SH3RF2: variants seen among roughly 807,000 people sequenced by gnomAD.
SH3RF2 encodes the protein E3 ubiquitin-protein ligase SH3RF2.
SH3RF2 carries 43 observed loss-of-function variants against 59.0 expected under a neutral mutation model. That is an observed-to-expected ratio of 0.73 (90% CI 0.57 to 0.94). The LOEUF is 0.94. Among genes scored for constraint, SH3RF2 ranks in the 40% least tolerant of loss-of-function variants. SH3RF2 has a pLI of 0.00. For missense variants in SH3RF2, 930 were observed against 940.1 expected, an observed-to-expected ratio of 0.99 and a Z score of 0.14; for synonymous variants, 391 against 391.5, an observed-to-expected ratio of 1.00 and a Z score of 0.01.
At chr5:146,059,779 G>C in intron 8 of SH3RF2, 87 bp from the exon 9 acceptor site, 1 of 906,202 alleles carries the variant, frequency 1.1e-6, no homozygotes, top group South Asian at 2.8e-5. Context: ...TCTATTCTGG[G>C]ATATCAGGAA....
In SH3RF2 at chr5:145,984,174, G is replaced by A. The variant is rs530806467; in HGVS notation, c.379-15884G>A. On this transcript the variant is annotated intron_variant, in intron 2 of 9. Transcript: ENST00000359120. ...ATGTCTCATTTATTGTAGGCACTCA[G>A]TACTTTTTTGTTGAATGAATGAGTA... is the stretch of plus-strand genomic sequence containing the variant. 2.0e-5 allele frequency among the ~76,000 whole-genome samples: 3 copies of A among 152,220 alleles called. No homozygotes were observed. In the East Asian group the frequency reaches 5.8e-4, roughly 29 times the overall value.
At chr5:146,005,841 C>A (rs200644160) in intron 4 of SH3RF2, among the ~76,000 whole-genome samples, 16 of 119,090 alleles carry the variant, frequency 1.3e-4, no homozygotes, top group African/African-American at 4.7e-4. Context: ...TAACACAGAA[C>A]AAGCACTCTG....
chr5:145,960,506 A>G lies in SH3RF2; in HGVS notation c.378+22200A>G, dbSNP rs550147771. Among the ~76,000 whole-genome samples the G allele has an allele frequency of 2.0e-5, 3 of 152,326 alleles. No individual in the cohort carries two copies. The South Asian group carries it at 6.2e-4, about 32-fold the overall frequency. ...CTTAAATGATCCAGAAGCTTTCCAAAAAAGGCCTGATTCTAACTCCTAAGA... is the reference window on the plus strand; with the variant it reads ...CTTAAATGATCCAGAAGCTTTCCAAGAAAGGCCTGATTCTAACTCCTAAGA... On this transcript the variant is annotated intron_variant, in intron 2 of 9. Transcript: ENST00000359120.
At chr5:146,018,550 A>T (rs1388720419) in intron 5 of SH3RF2, among the ~76,000 whole-genome samples, 1 of 151,988 alleles carries the variant, frequency 6.6e-6, no homozygotes, top group African/African-American at 2.4e-5. Context: ...TTATCCATTC[A>T]ACAGTTGATT....
At chr5:146,065,444 C>T (rs1259894591), downstream of SH3RF2, among the ~76,000 whole-genome samples, 3 of 152,148 alleles carry the variant, frequency 2.0e-5, no homozygotes, top group South Asian at 2.1e-4. Context: ...CATGACTGGC[C>T]GACCAAATAT....
intron 5 of SH3RF2, among the ~76,000 whole-genome samples, chr5:146,035,096 ACT>A (rs1761883338): frequency 7.3e-6 from 1 of 137,390 alleles, no homozygotes; most frequent in South Asian, 2.3e-4. Context: ...ATGAAGTGAG[ACT>A]CTGTTTCAAA....
chr5:145,965,313 GGCAATGTCTGATTGTGTAGGTAGT>G (rs1758816891), intron 2 of SH3RF2, among the ~76,000 whole-genome samples: 1 of 152,166 alleles, frequency 6.6e-6, no homozygotes, highest in South Asian at 2.1e-4. Flanking sequence ...TTGACCCTCA[GGCAATGTCTGATTGTGTAGGTAGT>G]CACTAAGTGA....
At chr5:146,011,045 T>C (rs1421172927) in intron 4 of SH3RF2, among the ~76,000 whole-genome samples, 1 of 152,208 alleles carries the variant, frequency 6.6e-6, no homozygotes, top group African/African-American at 2.4e-5. Flanking sequence ...CCATCTTGAA[T>C]TGATTTTTGT....
chr5:145,977,084 A>G (rs1759322695), intron 2 of SH3RF2, among the ~76,000 whole-genome samples: 1 of 152,246 alleles, frequency 6.6e-6, no homozygotes, highest in African/African-American at 2.4e-5. Flanking sequence ...ACAGATGGGA[A>G]AACTGAGGCT....
At chr5:145,957,838 C>T (rs1261110337) in intron 2 of SH3RF2, among the ~76,000 whole-genome samples, 1 of 152,184 alleles carries the variant, frequency 6.6e-6, no homozygotes, top group East Asian at 1.9e-4. Flanking sequence ...ACCAGCCAGG[C>T]ACAGCGGCTC....
rs2149983235 is a variant in SH3RF2 at position 146,000,060 on chromosome 5, G to T, written c.381G>T (p.Val127=). 1 of 1,612,192 alleles carries T rather than the reference G, an allele frequency of 6.2e-7. No homozygotes were observed. Among genetic ancestry groups the T allele is most frequent in the East Asian group, 2.2e-5 (1 of 44,770 alleles). ...VPNVRIHMDG[V]PRAKALCNYR... is the part of the protein sequence containing the mutation. ...CTTATTGGTCTGTGCCATTGCAGGT[G>T]CCTCGAGCAAAGGCCTTATGCAACT... is the stretch of plus-strand genomic sequence containing the variant. The change falls in exon 3 of 10, where the codon GTG becomes GTT. Residue 127 remains valine, a splice_region_variant and synonymous_variant. Transcript: ENST00000359120.
intron 2 of SH3RF2, among the ~76,000 whole-genome samples, chr5:145,978,440 A>G (rs1218995947): frequency 2.6e-5 from 4 of 152,152 alleles, no homozygotes; most frequent in Admixed American, 2.6e-4. Context: ...GGGTGCTTTT[A>G]TATATGTCTT....
intron 3 of SH3RF2, among the ~76,000 whole-genome samples, chr5:146,002,914 T>C (rs1164260819): frequency 1.3e-5 from 2 of 152,174 alleles, no homozygotes; most frequent in African/African-American, 2.4e-5. Flanking sequence ...TCCTACCCCC[T>C]GCATCTGAGG....
At position 146,006,497 on chromosome 5, in the gene SH3RF2, A is replaced by G. The variant is rs574322840; in HGVS notation, c.744+2344A>G. Among the ~76,000 whole-genome samples the G allele has an allele frequency of 9.8e-5, 15 of 152,350 alleles. 3 individuals carry two copies. The highest frequency in any genetic ancestry group is 3.6e-4 in the African/African-American group (15 of 41,576). On this transcript the variant is annotated intron_variant, in intron 4 of 9. Transcript: ENST00000359120. ...TGCAACTTACCAGGGCAGAAGGTCA[A>G]CAAATGCCACTTATGCCAAGATCTG...
intron 2 of SH3RF2, chr5:145,997,308 G>A: frequency 3.8e-6 from 4 of 1,057,360 alleles, no homozygotes; most frequent in Non-Finnish European, 6.0e-6. Flanking sequence ...AAAGCAGCTA[G>A]TGAAACCAGA....
At position 146,000,305 on chromosome 5, in the gene SH3RF2, A is replaced by T. The variant is rs1166670673; in HGVS notation, c.626A>T (p.Gln209Leu). Residue 209 changes from glutamine to leucine, a missense_variant, in exon 3 of 10, where the codon CAG (glutamine) becomes CTG (leucine). Transcript: ENST00000359120. ...DLRGKDKSEN[Q>L]DCLTFLKDDI... ...CGAGGCAAGGACAAGAGTGAGAACC[A>T]GGATTGCCTGACCTTCCTCAAGGTA... is the stretch of plus-strand genomic sequence containing the variant. 6.2e-7 allele frequency: 1 copy of T among 1,613,396 alleles called. No individual in the cohort carries two copies. Among genetic ancestry groups the T allele is most frequent in the African/African-American group, 1.3e-5 (1 of 74,922 alleles).
intron 2 of SH3RF2, among the ~76,000 whole-genome samples, chr5:145,981,185 C>T (rs1759493915): frequency 6.6e-6 from 1 of 152,062 alleles, no homozygotes; most frequent in South Asian, 2.1e-4. Flanking sequence ...GCCTTGACTT[C>T]CTGAGCTCAG....
chr5:145,947,229 T>C (rs1410662465), intron 2 of SH3RF2, among the ~76,000 whole-genome samples: 1 of 151,378 alleles, frequency 6.6e-6, no homozygotes, highest in East Asian at 1.9e-4. Context: ...AGGTATTTAG[T>C]ATTATTTTTA....
intron 2 of SH3RF2, among the ~76,000 whole-genome samples, chr5:145,992,310 G>T (rs1235924866): frequency 6.6e-6 from 1 of 152,126 alleles, no homozygotes; most frequent in Non-Finnish European, 1.5e-5. Context: ...GGAGGTTGAG[G>T]CTACAGAGGC....
Sources: gnomAD v4.1 joint callset for allele counts (sites outside exome capture counted in the v4.1 genomes callset) on GRCh38, gnomAD v4.1.1 for gene constraint, MANE v1.5 for transcripts, NCBI Gene and HGNC (gene_info 2026-07-23, HGNC 2026-07-21) for gene names.